Variants in NEXMIF observed in about 807,000 individuals in gnomAD.
NEXMIF encodes XLMR protein related to neurite extension.
A neutral mutation model predicts 62.1 loss-of-function variants in NEXMIF; 8 were observed. That is an observed-to-expected ratio of 0.13 (90% CI 0.08 to 0.23). NEXMIF has a LOEUF of 0.23. NEXMIF is among the 10% of genes least tolerant of loss of function. NEXMIF has a pLI of 1.00. For missense variants in NEXMIF, 976 were observed against 1,113.3 expected (o/e 0.88, Z 1.75); for synonymous variants, 404 against 416.6 (o/e 0.97, Z 0.37).
At chrX:74,923,713 G>T (rs1377777121) in intron 1 of NEXMIF, among the ~76,000 whole-genome samples, 1 of 111,522 alleles carries the variant, frequency 9.0e-6, no homozygotes, top group Non-Finnish European at 1.9e-5. Context: ...AACAACCAAG[G>T]ATATATTCAA....
rs762355959 is a variant in NEXMIF, at chrX:74,759,980, C to T, written c.-47-14283G>A. Among the ~76,000 whole-genome samples the T allele has an allele frequency of 1.5e-4, 17 of 111,673 alleles. No homozygotes were observed. In the East Asian group the frequency reaches 4.8e-3, roughly 31 times the overall value. On this transcript the variant is annotated intron_variant, in intron 1 of 3. Coordinates refer to ENST00000055682, the MANE Select transcript of NEXMIF (RefSeq NM_001008537.3). ...CATTGAATCTATAAATTGCTTTGGG[C>T]AATATGGCCATTTTAATGATATTGA... is the stretch of plus-strand genomic sequence containing the variant.
At chrX:74,869,417 C>A (rs891146403) in intron 1 of NEXMIF, among the ~76,000 whole-genome samples, 4 of 111,865 alleles carry the variant, frequency 3.6e-5, no homozygotes, top group South Asian at 3.7e-4. Flanking sequence ...TGGAACATGA[C>A]AAAGATGCCC....
rs776966061 is a variant in NEXMIF, at chrX:74,784,961, T to C, written c.-47-39264A>G. 4.5e-5 allele frequency among the ~76,000 whole-genome samples: 5 copies of C among 111,499 alleles called. No individual in the cohort carries two copies. The East Asian group carries it at 1.4e-3, about 31-fold the overall frequency. On this transcript the variant is annotated intron_variant, in intron 1 of 3. Coordinates refer to ENST00000055682, the MANE Select transcript of NEXMIF (RefSeq NM_001008537.3). ...CTGGAGTTTCAGGCTCAAGTACGCT[T>C]CCCCGGCAGAAAACACTTTGCATAT...
chrX:74,737,886 T>C lies in NEXMIF; in HGVS notation c.*1519A>G, dbSNP rs2080089624. 9.0e-6 allele frequency: 1 copy of C among 111,288 alleles called. No homozygotes were observed. Among genetic ancestry groups the C allele is most frequent in the Non-Finnish European group, 1.9e-5 (1 of 53,029 alleles). The allele number at this position is 111,288 out of a possible 1,213,427, so 9.2% of individuals were successfully genotyped here. A position where few individuals can be genotyped will look rare whatever the true frequency, so the allele number is the denominator to read the frequency against. On this transcript the variant is annotated 3_prime_UTR_variant, in exon 4 of 4. Coordinates refer to ENST00000055682, the MANE Select transcript of NEXMIF (RefSeq NM_001008537.3). ...AGGTTAGTAACAATATTAATAAGAA[T>C]AGTAACAACGACAACAACTAACAAT...
intron 1 of NEXMIF, among the ~76,000 whole-genome samples, chrX:74,856,913 G>A (rs2080537080): frequency 8.9e-6 from 1 of 111,939 alleles, no homozygotes; most frequent in African/African-American, 3.2e-5. Flanking sequence ...CCTTGTCCCA[G>A]TGGAAAGCAA....
chrX:74,889,083 T>C (rs1191839143), intron 1 of NEXMIF, among the ~76,000 whole-genome samples: 1 of 112,011 alleles, frequency 8.9e-6, no homozygotes, highest in East Asian at 2.8e-4. Context: ...TTGAAAATTA[T>C]AAAGCACTAT....
intron 1 of NEXMIF, among the ~76,000 whole-genome samples, chrX:74,804,400 A>G (rs2080338962): frequency 1.8e-5 from 2 of 112,236 alleles, no homozygotes; most frequent in African/African-American, 6.5e-5. Flanking sequence ...AGCTAGTCTC[A>G]GAGTCTCATC....
chrX:74,739,483 A>G lies in NEXMIF; in HGVS notation c.4473T>C (p.Asn1491=), dbSNP rs1325579938. The G allele has an allele frequency of 2.5e-6, 3 of 1,191,728 alleles. No homozygotes were observed. Among genetic ancestry groups the G allele is most frequent in the Non-Finnish European group, 3.4e-6 (3 of 884,523 alleles). ...AAAAGGTTGTTTCTGCTTTTAGGAG[A>G]TTGTAGTCGGAATCCCTGCAGAAAA... ...SFEKLRDSDY[N]LLKAETTFWV... Residue 1491 remains asparagine, a synonymous_variant, in exon 4 of 4, where the codon AAT becomes AAC. Coordinates refer to ENST00000055682, the MANE Select transcript of NEXMIF (RefSeq NM_001008537.3).
At chrX:74,845,271 A>C (rs1034476468) in intron 1 of NEXMIF, among the ~76,000 whole-genome samples, 1 of 111,579 alleles carries the variant, frequency 9.0e-6, no homozygotes, top group Non-Finnish European at 1.9e-5. Context: ...CACACCTTGC[A>C]CTGCCACTGT....
At chrX:74,805,255 G>C (rs1312373745) in intron 1 of NEXMIF, among the ~76,000 whole-genome samples, 2 of 112,150 alleles carry the variant, frequency 1.8e-5, no homozygotes, top group African/African-American at 6.5e-5. Flanking sequence ...TTGTGTGTGT[G>C]TGTACATAAT....
intron 1 of NEXMIF, among the ~76,000 whole-genome samples, chrX:74,905,148 T>C (rs1463323247): frequency 1.8e-5 from 2 of 111,752 alleles, no homozygotes; most frequent in South Asian, 7.5e-4. Context: ...AAAAAGAGAA[T>C]AGAATAAATT....
At chrX:74,806,815 GAA>G (rs937867139) in intron 1 of NEXMIF, among the ~76,000 whole-genome samples, 11 of 112,536 alleles carry the variant, frequency 9.8e-5, no homozygotes, top group Admixed American at 2.8e-4. Flanking sequence ...ACTATTTGTT[GAA>G]AAGTCTATCT....
intron 1 of NEXMIF, among the ~76,000 whole-genome samples, chrX:74,773,863 T>G (rs1468376634): frequency 9.7e-5 from 9 of 92,823 alleles, no homozygotes; most frequent in Non-Finnish European, 1.6e-4. Flanking sequence ...GAGCTGAGAT[T>G]GCCCCACTGC....
At chrX:74,884,600 C>G (rs2080682624) in intron 1 of NEXMIF, among the ~76,000 whole-genome samples, 1 of 111,944 alleles carries the variant, frequency 8.9e-6, no homozygotes, top group Admixed American at 9.5e-5. Context: ...AACTAACTAT[C>G]CTAAATATAT....
At chrX:74,776,966 A>G (rs1306516412) in intron 1 of NEXMIF, among the ~76,000 whole-genome samples, 2 of 111,002 alleles carry the variant, frequency 1.8e-5, no homozygotes, top group South Asian at 7.6e-4. Flanking sequence ...AATTCTACAC[A>G]TTAGCGACTA....
chrX:74,860,132 A>G (rs1049951119), intron 1 of NEXMIF, among the ~76,000 whole-genome samples: 4 of 111,492 alleles, frequency 3.6e-5, no homozygotes, highest in African/African-American at 1.3e-4. Context: ...ATGATCTATG[A>G]CCTACAAGAA....
intron 1 of NEXMIF, among the ~76,000 whole-genome samples, chrX:74,829,443 C>T (rs761781336): frequency 8.9e-6 from 1 of 112,065 alleles, no homozygotes; most frequent in East Asian, 2.8e-4. Context: ...TTTCTTTCTC[C>T]ATTCATCTGT....
chrX:74,884,012 A>G (rs1221782142), intron 1 of NEXMIF, among the ~76,000 whole-genome samples: 1 of 112,195 alleles, frequency 8.9e-6, no homozygotes, highest in East Asian at 2.8e-4. Context: ...AAAGAAAAGA[A>G]TTTTCAACCC....
intron 1 of NEXMIF, among the ~76,000 whole-genome samples, chrX:74,796,191 T>A (rs1216192490): frequency 9.7e-5 from 6 of 62,104 alleles, no homozygotes; most frequent in African/African-American, 1.2e-4. Context: ...ACATATATAT[T>A]ATATATATAC....
Sources: gnomAD v4.1 joint callset for allele counts (sites outside exome capture counted in the v4.1 genomes callset) on GRCh38, gnomAD v4.1.1 for gene constraint, MANE v1.5 for transcripts, NCBI Gene and HGNC (gene_info 2026-07-23, HGNC 2026-07-21) for gene names.